SLC7A11: variants seen among roughly 807,000 people sequenced by gnomAD.
The protein encoded by SLC7A11 is cystine/glutamate transporter.
Under a neutral mutation model 54.5 loss-of-function variants are expected in SLC7A11, and 35 were observed. The observed-to-expected ratio is 0.64, with a 90% confidence interval of 0.49 to 0.85. The LOEUF is 0.85. SLC7A11 is among the 40% of genes least tolerant of loss of function. SLC7A11 has a pLI of 0.00. For synonymous variants in SLC7A11, 230 were observed against 225.2 expected (o/e 1.02, Z -0.19); for missense variants, 583 against 618.1 (o/e 0.94, Z 0.60).
At chr4:138,207,691 A>C (rs80352950) in intron 6 of SLC7A11, among the ~76,000 whole-genome samples, 6,028 of 152,224 alleles carry the variant, frequency 0.04, 185 homozygotes, top group South Asian at 0.054. Context: ...GCAGCACAGT[A>C]AGTGAGACTC....
chr4:138,188,423 C>G lies in SLC7A11; in HGVS notation c.792-3179G>C, dbSNP rs189418208. 9.2e-5 allele frequency among the ~76,000 whole-genome samples: 14 copies of G among 152,252 alleles called. No homozygotes were observed. In the East Asian group the frequency reaches 1.5e-3, roughly 17 times the overall value. On this transcript the variant is annotated intron_variant, in intron 6 of 11. Coordinates refer to ENST00000280612, the MANE Select transcript of SLC7A11 (RefSeq NM_014331.4). ...TGGGGTATGGCAAAATAGCCACTAG[C>G]TTCCATTCTTAGGTTCCATTTCACT...
chr4:138,237,737 A>T (rs10001990), intron 1 of SLC7A11, among the ~76,000 whole-genome samples: 206 of 9,816 alleles, frequency 0.021, 15 homozygotes, highest in South Asian at 0.03. Flanking sequence ...ATATATATAT[A>T]TTTTTTTTTT....
At chr4:138,215,724 C>A (rs773566978) in intron 5 of SLC7A11, among the ~76,000 whole-genome samples, 42 of 151,876 alleles carry the variant, frequency 2.8e-4, no homozygotes, top group Non-Finnish European at 4.7e-4. Context: ...TTGCTATAAG[C>A]CTGAGGCAAT....
In SLC7A11 at chr4:138,164,691, C is replaced by T. The variant is rs1463729301; in HGVS notation, c.*7265G>A. 3 of 152,116 alleles carry T rather than the reference C, an allele frequency of 2.0e-5. No individual in the cohort carries two copies. The highest frequency in any genetic ancestry group is 2.9e-5 in the Non-Finnish European group (2 of 67,994). 9.4% of individuals were successfully genotyped at this position (152,116 alleles called of 1,614,324 possible). On this transcript the variant is annotated 3_prime_UTR_variant, in exon 12 of 12. Transcript: ENST00000280612. ...ACACACAATCCCCTCTACTAAGTTT[C>T]ATGATCACAGTGCCAGAGTGAAGAA...
intron 6 of SLC7A11, among the ~76,000 whole-genome samples, chr4:138,198,968 T>A (rs1276146995): frequency 6.6e-6 from 1 of 152,100 alleles, no homozygotes; most frequent in Non-Finnish European, 1.5e-5. Context: ...TAGAAAGAGC[T>A]GGAGTTGAGC....
At chr4:138,197,808 T>G (rs1737177040) in intron 6 of SLC7A11, among the ~76,000 whole-genome samples, 1 of 151,784 alleles carries the variant, frequency 6.6e-6, no homozygotes, top group African/African-American at 2.4e-5. Context: ...TTAATAAAAT[T>G]ATATAGTAAT....
At chr4:138,203,604 T>C (rs1048986330) in intron 6 of SLC7A11, among the ~76,000 whole-genome samples, 2 of 152,106 alleles carry the variant, frequency 1.3e-5, no homozygotes. Context: ...ATTTATCATA[T>C]TGTCTGACTT....
intron 6 of SLC7A11, among the ~76,000 whole-genome samples, chr4:138,189,943 T>C (rs1736968838): frequency 6.6e-6 from 1 of 152,160 alleles, no homozygotes; most frequent in East Asian, 1.9e-4. Context: ...CATGAGTAAT[T>C]CTCTAATCGT....
At chr4:138,233,938 A>G (rs1738143987) in intron 2 of SLC7A11, among the ~76,000 whole-genome samples, 1 of 122,174 alleles carries the variant, frequency 8.2e-6, no homozygotes, top group Non-Finnish European at 1.9e-5. Flanking sequence ...ATCTTAGTTC[A>G]ATTTTCCTTT....
intron 2 of SLC7A11, among the ~76,000 whole-genome samples, chr4:138,235,365 GC>G (rs1458023842): frequency 6.6e-6 from 1 of 151,400 alleles, no homozygotes; most frequent in African/African-American, 2.4e-5. Flanking sequence ...AAATGAAAAA[GC>G]CTTCATGAAG....
intron 4 of SLC7A11, among the ~76,000 whole-genome samples, chr4:138,221,317 C>T (rs769947979): frequency 5.1e-4 from 77 of 152,240 alleles, no homozygotes; most frequent in African/African-American, 1.5e-3. Context: ...GTTCAACAAA[C>T]TCTCATAAGT....
rs1289693766 is a variant in SLC7A11, at chr4:138,183,916, T to TA, written c.916-612dup. On this transcript the variant is annotated intron_variant, in intron 7 of 11. Transcript: ENST00000280612. ...TGTCAATTTCTTTTGTGGTTTCCTA[T>TA]AAAAAGGCTAGAACACAAATATAAG... Among the ~76,000 whole-genome samples the TA allele has an allele frequency of 2.6e-5, 4 of 152,180 alleles. No individual in the cohort carries two copies. The East Asian group carries it at 5.8e-4, about 22-fold the overall frequency.
At chr4:138,241,324 GC>G (rs1738371466) in intron 1 of SLC7A11, among the ~76,000 whole-genome samples, 1 of 152,124 alleles carries the variant, frequency 6.6e-6, no homozygotes, top group Non-Finnish European at 1.5e-5. Flanking sequence ...TATAAAGACT[GC>G]CACCCATTTG....
In SLC7A11 at chr4:138,168,648, T is replaced by C. The variant is rs1038464702; in HGVS notation, c.*3308A>G. The C allele has an allele frequency of 1.3e-5, 2 of 152,162 alleles. No homozygotes were observed. The highest frequency in any genetic ancestry group is 1.3e-4 in the Admixed American group (2 of 15,268). The allele number at this position is 152,162 out of a possible 1,614,324, so 9.4% of individuals were successfully genotyped here. On this transcript the variant is annotated 3_prime_UTR_variant, in exon 12 of 12. Transcript: ENST00000280612. Reference sequence around the variant, plus strand: ...GGAAATCTGTTTCAACGTGAATATCTTAGTGTTGGAGAAACCGTCATGCAT... The same window carrying C: ...GGAAATCTGTTTCAACGTGAATATCCTAGTGTTGGAGAAACCGTCATGCAT...
chr4:138,206,200 T>C (rs991851304), intron 6 of SLC7A11, among the ~76,000 whole-genome samples: 2 of 151,778 alleles, frequency 1.3e-5, no homozygotes, highest in Non-Finnish European at 2.9e-5. Context: ...TCTATTATTC[T>C]ACTCATCACA....
intron 1 of SLC7A11, among the ~76,000 whole-genome samples, chr4:138,239,399 G>GTA (rs1457190730): frequency 6.6e-6 from 1 of 152,100 alleles, no homozygotes; most frequent in Non-Finnish European, 1.5e-5. Context: ...TAAAAAAAAA[G>GTA]TATATATATG....
chr4:138,236,302 A>G, intron 2 of SLC7A11, 23 bp downstream of exon 2: 1 of 1,582,888 alleles, frequency 6.3e-7, no homozygotes, highest in Non-Finnish European at 8.6e-7. Flanking sequence ...ATTTTTTCTT[A>G]ATTCTTTCTA....
At chr4:138,178,370 T>C (rs1217256271) in intron 11 of SLC7A11, among the ~76,000 whole-genome samples, 1 of 152,166 alleles carries the variant, frequency 6.6e-6, no homozygotes, top group African/African-American at 2.4e-5. Context: ...ATTTTCCTTA[T>C]CCATTCTATC....
intron 6 of SLC7A11, among the ~76,000 whole-genome samples, chr4:138,213,866 T>C (rs1045633283): frequency 2.6e-5 from 4 of 152,160 alleles, no homozygotes; most frequent in African/African-American, 9.6e-5. Flanking sequence ...TAAATAACTT[T>C]ATAATTTAGT....
Sources: gnomAD v4.1 joint callset for allele counts (sites outside exome capture counted in the v4.1 genomes callset) on GRCh38, gnomAD v4.1.1 for gene constraint, MANE v1.5 for transcripts, NCBI Gene and HGNC (gene_info 2026-07-23, HGNC 2026-07-21) for gene names.